The following SLC2A9 variants were observed in gnomAD, a reference collection of about 807,000 sequenced individuals.
The protein encoded by SLC2A9 is solute carrier family 2, facilitated glucose transporter member 9.
Under a neutral mutation model 50.6 loss-of-function variants are expected in SLC2A9, and 39 were observed. The ratio of observed to expected loss-of-function variants is 0.77; its 90% CI spans 0.60 to 1.01. SLC2A9 has a LOEUF of 1.01. SLC2A9 is among the 50% of genes least tolerant of loss of function. The pLI, the probability that SLC2A9 is intolerant of heterozygous loss-of-function variation, is 0.00. For synonymous variants in SLC2A9, 324 were observed against 276.9 expected, an observed-to-expected ratio of 1.17 and a Z score of -1.69; for missense variants, 686 against 677.6, an observed-to-expected ratio of 1.01 and a Z score of -0.14.
chr4:10,001,707 C>T (rs1343756183), intron 2 of SLC2A9, among the ~76,000 whole-genome samples: 2 of 152,200 alleles, frequency 1.3e-5, no homozygotes, highest in Non-Finnish European at 2.9e-5. Context: ...TTCAGAATGG[C>T]CACTATGTTC....
intron 11 of SLC2A9, among the ~76,000 whole-genome samples, chr4:9,832,549 C>T (rs948103476): frequency 2.0e-5 from 3 of 152,342 alleles, no homozygotes; most frequent in South Asian, 2.1e-4. Context: ...AAAACCCAGA[C>T]ACCCTGGACA....
intron 3 of SLC2A9, among the ~76,000 whole-genome samples, chr4:9,787,408 G>A (rs998351294): frequency 2.3e-4 from 35 of 152,236 alleles, no homozygotes; most frequent in Admixed American, 1.6e-3. Flanking sequence ...TTGCAACACG[G>A]TACAAAGAAT....
At chr4:9,785,137 C>A (rs200860945) in intron 3 of SLC2A9, among the ~76,000 whole-genome samples, 1 of 152,122 alleles carries the variant, frequency 6.6e-6, no homozygotes, top group African/African-American at 2.4e-5. Context: ...TGAAAAGCAC[C>A]CAGCTCTAGG....
At chr4:9,878,590 T>G (rs1734669460) in intron 10 of SLC2A9, among the ~76,000 whole-genome samples, 1 of 152,046 alleles carries the variant, frequency 6.6e-6, no homozygotes, top group Non-Finnish European at 1.5e-5. Context: ...TATGCCTCTC[T>G]TCCACTTGGC....
Position 9,786,992 on chromosome 4 carries a change from A to T in SLC2A9, n.386-6927T>A, listed in dbSNP as rs547763876. On this transcript the variant is annotated intron_variant and non_coding_transcript_variant, in intron 3 of 3. Transcript: ENST00000503803. ...GCCAGGCAGGCAGACTCCAGGTCCC[A>T]GCTCCCTGTCCACAAGGCTACCTGC... 2.0e-5 allele frequency among the ~76,000 whole-genome samples: 3 copies of T among 152,326 alleles called. No individual in the cohort carries two copies. The East Asian group carries it at 5.8e-4, about 29-fold the overall frequency.
intron 3 of SLC2A9, among the ~76,000 whole-genome samples, chr4:9,781,244 G>C (rs1245027783): frequency 6.6e-6 from 1 of 152,228 alleles, no homozygotes; most frequent in Non-Finnish European, 1.5e-5. Context: ...GGCCCTTAAA[G>C]TCGCAGAGCC....
chr4:9,771,730 G>A (rs73221597), intron 1 of SLC2A9, among the ~76,000 whole-genome samples: 3,521 of 152,334 alleles, frequency 0.023, 61 homozygotes, highest in East Asian at 0.078. Context: ...CAGGTGCAGC[G>A]TGCTGCAGAA....
intron 3 of SLC2A9, among the ~76,000 whole-genome samples, chr4:9,802,000 C>T (rs1194895233): frequency 6.6e-6 from 1 of 152,206 alleles, no homozygotes; most frequent in East Asian, 1.9e-4. Flanking sequence ...TGTGTTTGGG[C>T]TGCAGCGCTG....
downstream of SLC2A9, among the ~76,000 whole-genome samples, chr4:9,796,292 C>A (rs141183770): frequency 6.9e-3 from 1,045 of 152,298 alleles, 10 homozygotes; most frequent in African/African-American, 0.024. Context: ...ACATTGTCAT[C>A]CCAAAGCTGT....
At chr4:9,823,595 A>G (rs758852141), downstream of SLC2A9, among the ~76,000 whole-genome samples, 1 of 152,156 alleles carries the variant, frequency 6.6e-6, no homozygotes, top group Non-Finnish European at 1.5e-5. Flanking sequence ...ATTCCATTCT[A>G]CTCATTTGTA....
At chr4:9,815,460 G>A (rs1424078867) in intron 3 of SLC2A9, among the ~76,000 whole-genome samples, 1 of 152,260 alleles carries the variant, frequency 6.6e-6, no homozygotes, top group Non-Finnish European at 1.5e-5. Context: ...ACAAGCACAG[G>A]GCAGAGGTAG....
chr4:9,824,626 T>C (rs1411443831), downstream of SLC2A9, among the ~76,000 whole-genome samples: 2 of 152,226 alleles, frequency 1.3e-5, no homozygotes, highest in Non-Finnish European at 2.9e-5. Flanking sequence ...GCTTTGATTT[T>C]CTATCTTCTC....
intron 10 of SLC2A9, chr4:9,879,084 T>G: frequency 1.0e-6 from 1 of 983,634 alleles, no homozygotes; most frequent in Non-Finnish European, 1.2e-6. Flanking sequence ...TGGATACAGG[T>G]GATAGAAACA....
intron 1 of SLC2A9, among the ~76,000 whole-genome samples, chr4:10,033,307 C>T (rs1301977892): frequency 6.6e-6 from 1 of 152,140 alleles, no homozygotes; most frequent in Non-Finnish European, 1.5e-5. Flanking sequence ...TTCCTGTCTC[C>T]ATTGGAGGCT....
chr4:9,981,907 GT>G (rs1755950918), intron 4 of SLC2A9, among the ~76,000 whole-genome samples: 1 of 151,144 alleles, frequency 6.6e-6, no homozygotes, highest in Non-Finnish European at 1.5e-5. Flanking sequence ...CCAAGATGGG[GT>G]TTCACTCTTG....
At chr4:9,893,671 G>A (rs756641185) in intron 8 of SLC2A9, among the ~76,000 whole-genome samples, 2 of 152,248 alleles carry the variant, frequency 1.3e-5, no homozygotes, top group Middle Eastern at 3.4e-3. Context: ...TTTCATCAAA[G>A]AGGAGACACT....
intron 8 of SLC2A9, among the ~76,000 whole-genome samples, chr4:9,906,225 G>A (rs575969412): frequency 2.0e-5 from 3 of 152,284 alleles, no homozygotes; most frequent in East Asian, 1.9e-4. Context: ...TGGGGGTCAC[G>A]CGGCTAATAA....
At chr4:9,944,716 A>G (rs1018154821) in intron 5 of SLC2A9, among the ~76,000 whole-genome samples, 1 of 152,184 alleles carries the variant, frequency 6.6e-6, no homozygotes, top group Admixed American at 6.5e-5. Flanking sequence ...AGAGGGACTG[A>G]GCTTAGCCAG....
intron 6 of SLC2A9, among the ~76,000 whole-genome samples, chr4:9,937,110 G>A (rs1347102742): frequency 6.6e-6 from 1 of 152,146 alleles, no homozygotes; most frequent in Non-Finnish European, 1.5e-5. Flanking sequence ...CCCATCACAG[G>A]CACAACATAG....
Sources: gnomAD v4.1 joint callset for allele counts (sites outside exome capture counted in the v4.1 genomes callset) on GRCh38, gnomAD v4.1.1 for gene constraint, MANE v1.5 for transcripts, NCBI Gene and HGNC (gene_info 2026-07-23, HGNC 2026-07-21) for gene names.